Variants in CACNA2D3 observed in about 807,000 individuals in gnomAD.
The protein encoded by CACNA2D3 is calcium voltage-gated channel auxiliary subunit alpha2delta 3.
Under a neutral mutation model 160.6 loss-of-function variants are expected in CACNA2D3, and 60 were observed. That is an observed-to-expected ratio of 0.37 (90% CI 0.30 to 0.46). The LOEUF (loss-of-function observed/expected upper bound fraction) is 0.46. Ranked by LOEUF, CACNA2D3 falls within the 20% of genes least tolerant of loss-of-function variation. The pLI is 1.00. For missense variants in CACNA2D3, 1,205 were observed against 1,365.0 expected, an observed-to-expected ratio of 0.88 and a Z score of 1.85; for synonymous variants, 558 against 492.9, an observed-to-expected ratio of 1.13 and a Z score of -1.75.
At chr3:54,723,130 T>C (rs1170834828) in intron 11 of CACNA2D3, among the ~76,000 whole-genome samples, 2 of 152,360 alleles carry the variant, frequency 1.3e-5, no homozygotes, top group African/African-American at 4.8e-5. Flanking sequence ...CAGAGCAGCC[T>C]TGCTGAGCAG....
chr3:54,851,050 A>G (rs1699046251), intron 17 of CACNA2D3, among the ~76,000 whole-genome samples: 1 of 152,238 alleles, frequency 6.6e-6, no homozygotes, highest in Non-Finnish European at 1.5e-5. Context: ...TGGATACGAT[A>G]CGTGTATCAG....
At chr3:54,764,162 C>G in intron 12 of CACNA2D3, 56 bp from the exon 13 acceptor site, 1 of 1,598,134 alleles carries the variant, frequency 6.3e-7, no homozygotes. Flanking sequence ...TGCATATTCC[C>G]AGTTGCAAGT....
At chr3:54,400,586 C>T (rs1173822518) in intron 4 of CACNA2D3, among the ~76,000 whole-genome samples, 1 of 152,160 alleles carries the variant, frequency 6.6e-6, no homozygotes, top group Non-Finnish European at 1.5e-5. Context: ...CCACCACTGC[C>T]CCAAACTCCT....
chr3:54,887,410 G>C (rs1699952205), intron 23 of CACNA2D3, among the ~76,000 whole-genome samples: 1 of 152,120 alleles, frequency 6.6e-6, no homozygotes, highest in Non-Finnish European at 1.5e-5. Flanking sequence ...CTGGGTGACA[G>C]AGTGAGACCG....
intron 2 of CACNA2D3, among the ~76,000 whole-genome samples, chr3:54,212,872 TGACAA>T (rs1447893038): frequency 6.6e-6 from 1 of 152,176 alleles, no homozygotes; most frequent in Non-Finnish European, 1.5e-5. Flanking sequence ...CTGGGGATAC[TGACAA>T]GACCTGCCCC....
At chr3:54,991,461 G>A (rs1406865302) in intron 31 of CACNA2D3, among the ~76,000 whole-genome samples, 2 of 152,120 alleles carry the variant, frequency 1.3e-5, no homozygotes, top group East Asian at 3.9e-4. Context: ...GACCTCAGGT[G>A]ATCCCCCCAA....
At chr3:54,957,959 G>T (rs1701942251) in intron 27 of CACNA2D3, among the ~76,000 whole-genome samples, 1 of 152,272 alleles carries the variant, frequency 6.6e-6, no homozygotes, top group East Asian at 1.9e-4. Context: ...AAACCACATG[G>T]ATGGCAGAGG....
At chr3:54,747,380 T>C (rs139804153) in intron 11 of CACNA2D3, among the ~76,000 whole-genome samples, 3 of 152,224 alleles carry the variant, frequency 2.0e-5, no homozygotes, top group African/African-American at 7.2e-5. Flanking sequence ...GGCCTCCTAC[T>C]TACTACCTCT....
At chr3:55,049,151 A>G (rs541139256) in intron 35 of CACNA2D3, among the ~76,000 whole-genome samples, 35 of 151,400 alleles carry the variant, frequency 2.3e-4, no homozygotes, top group African/African-American at 8.3e-4. Context: ...CTAGCTTTTG[A>G]ATGTGTTTGC....
chr3:54,646,186 C>CCCTCCCTGCTTGCTTG (rs1559537958), intron 11 of CACNA2D3, among the ~76,000 whole-genome samples: 25 of 6,458 alleles, frequency 3.9e-3, no homozygotes, highest in African/African-American at 9.6e-3. Flanking sequence ...CTCCCTCCCT[C>CCCTCCCTGCTTGCTTG]CTTCCTTGCT....
At chr3:54,964,551 C>T (rs1000183555) in intron 27 of CACNA2D3, among the ~76,000 whole-genome samples, 42 of 152,110 alleles carry the variant, frequency 2.8e-4, no homozygotes, top group African/African-American at 8.4e-4. Flanking sequence ...ACAAAATAGA[C>T]GGGCTTGACA....
At chr3:54,824,862 A>G (rs1703717826) in intron 14 of CACNA2D3, among the ~76,000 whole-genome samples, 1 of 152,188 alleles carries the variant, frequency 6.6e-6, no homozygotes, top group Admixed American at 6.5e-5. Context: ...GACACATTTA[A>G]TAAAGTTAAA....
chr3:54,986,963 G>A (rs189347136), intron 30 of CACNA2D3, among the ~76,000 whole-genome samples: 9 of 152,284 alleles, frequency 5.9e-5, no homozygotes, highest in Admixed American at 1.3e-4. Context: ...ACCAAAGTTT[G>A]CAAATCTTGG....
At chr3:54,650,139 A>AT (rs937721443) in intron 11 of CACNA2D3, among the ~76,000 whole-genome samples, 30 of 147,516 alleles carry the variant, frequency 2.0e-4, no homozygotes, top group South Asian at 2.1e-4. Flanking sequence ...CAGTGAGCTA[A>AT]TTTTTTTTTT....
chr3:54,405,125 T>G (rs1050815453), intron 4 of CACNA2D3, among the ~76,000 whole-genome samples: 38 of 151,912 alleles, frequency 2.5e-4, no homozygotes, highest in Non-Finnish European at 4.7e-4. Flanking sequence ...TATACTGTAC[T>G]GTACTATACT....
intron 14 of CACNA2D3, among the ~76,000 whole-genome samples, chr3:54,818,173 C>G (rs974318854): frequency 1.3e-5 from 2 of 152,056 alleles, no homozygotes; most frequent in South Asian, 2.1e-4. Context: ...TTGGAGGTGC[C>G]ATCAGCCGTA....
intron 13 of CACNA2D3, among the ~76,000 whole-genome samples, chr3:54,786,518 G>T (rs1332461802): frequency 6.6e-6 from 1 of 152,102 alleles, no homozygotes. Context: ...ATTTACTCCT[G>T]TGTCTCTTCA....
At chr3:54,313,070 G>A (rs73081614) in intron 2 of CACNA2D3, among the ~76,000 whole-genome samples, 3 of 152,130 alleles carry the variant, frequency 2.0e-5, no homozygotes, top group Non-Finnish European at 2.9e-5. Flanking sequence ...CTAGGATTTG[G>A]GGTGGTTCAT....
intron 17 of CACNA2D3, among the ~76,000 whole-genome samples, chr3:54,852,314 G>T (rs574213904): frequency 1.1e-4 from 16 of 152,310 alleles, no homozygotes; most frequent in African/African-American, 3.1e-4. Context: ...CTAGACTTCC[G>T]CAGACAAACT....
Sources: allele counts gnomAD v4.1 joint callset (sites outside exome capture counted in the v4.1 genomes callset), GRCh38; gene constraint gnomAD v4.1.1; transcripts MANE v1.5; gene names NCBI Gene and HGNC (gene_info 2026-07-23, HGNC 2026-07-21).